PCSK2: variants seen among roughly 807,000 people sequenced by gnomAD.
PCSK2 encodes the protein neuroendocrine convertase 2.
In PCSK2, 14 loss-of-function variants were observed where a neutral mutation model predicts 69.7. The observed-to-expected ratio is 0.20, with a 90% confidence interval of 0.13 to 0.31. PCSK2 has a LOEUF of 0.31. Among genes scored for constraint, PCSK2 ranks in the 10% least tolerant of loss-of-function variants. PCSK2 has a pLI of 1.00. For missense variants in PCSK2, 544 were observed against 842.5 expected, an observed-to-expected ratio of 0.65 and a Z score of 4.39; for synonymous variants, 307 against 320.7, an observed-to-expected ratio of 0.96 and a Z score of 0.46.
intron 1 of PCSK2, among the ~76,000 whole-genome samples, chr20:17,252,444 T>A (rs1987018030): frequency 6.6e-6 from 1 of 152,156 alleles, no homozygotes; most frequent in Non-Finnish European, 1.5e-5. Context: ...ATTCTAACAA[T>A]AAAAAGAGTA....
chr20:17,278,752 G>T (rs1035008488), intron 2 of PCSK2, among the ~76,000 whole-genome samples: 23 of 151,652 alleles, frequency 1.5e-4, no homozygotes, highest in African/African-American at 2.4e-4. Flanking sequence ...AATAATAATG[G>T]CCCTGTAACC....
intron 2 of PCSK2, among the ~76,000 whole-genome samples, chr20:17,320,590 CT>C (rs1568601695): frequency 6.6e-6 from 1 of 152,204 alleles, no homozygotes. Flanking sequence ...GGGACTCAGG[CT>C]TGCTGAGCAC....
chr20:17,365,648 G>A (rs1304331839), intron 4 of PCSK2, among the ~76,000 whole-genome samples: 1 of 152,190 alleles, frequency 6.6e-6, no homozygotes, highest in Non-Finnish European at 1.5e-5. Flanking sequence ...CTGTGAACTT[G>A]TAAAATCAAA....
chr20:17,301,518 G>A lies in PCSK2; in HGVS notation c.282+41174G>A, dbSNP rs201591668. On this transcript the variant is annotated intron_variant, in intron 2 of 11. Transcript: ENST00000262545. ...GACTGATTCATCTACAGTCCAAAGA[G>A]CTTTGATATTTAAGTTGCCTATAAA... is the stretch of plus-strand genomic sequence containing the variant. 2.6e-5 allele frequency among the ~76,000 whole-genome samples: 4 copies of A among 152,292 alleles called. No individual in the cohort carries two copies. In the East Asian group the frequency reaches 7.7e-4, roughly 29 times the overall value.
intron 1 of PCSK2, among the ~76,000 whole-genome samples, chr20:17,258,260 A>G (rs912594030): frequency 6.6e-6 from 1 of 152,246 alleles, no homozygotes; most frequent in Non-Finnish European, 1.5e-5. Flanking sequence ...CTAAAACAGC[A>G]CAGAGTTTGC....
rs1295137125 is a variant in PCSK2, at chr20:17,303,528, AT to A, written c.282+43186del. On this transcript the variant is annotated intron_variant, in intron 2 of 11. Coordinates refer to ENST00000262545, the MANE Select transcript of PCSK2 (RefSeq NM_002594.5). ...ATATATTATATATAATATAATATAT[AT>A]TATATTATATATAATATGATATAAT... 6.0e-4 allele frequency among the ~76,000 whole-genome samples: 24 copies of A among 39,944 alleles called. 1 individual carries two copies. In the East Asian group the frequency reaches 0.014, roughly 23 times the overall value. The allele number at this position is 39,944 out of a possible 152,430, so 26.2% of individuals were successfully genotyped here.
At chr20:17,390,554 C>G (rs2031346163) in intron 5 of PCSK2, among the ~76,000 whole-genome samples, 1 of 152,132 alleles carries the variant, frequency 6.6e-6, no homozygotes, top group Non-Finnish European at 1.5e-5. Context: ...TGCCCACCTG[C>G]TCACCTCCCT....
intron 2 of PCSK2, among the ~76,000 whole-genome samples, chr20:17,267,861 G>A (rs752451108): frequency 2.6e-5 from 4 of 151,876 alleles, no homozygotes; most frequent in East Asian, 1.9e-4. Flanking sequence ...GCTCTGTATC[G>A]TCTTTACAAT....
rs375689991 is a variant in PCSK2, at chr20:17,349,660, G to GAA, written c.283-8658_283-8657dup. 3.2e-3 allele frequency among the ~76,000 whole-genome samples: 478 copies of GAA among 148,846 alleles called. 6 individuals carry two copies. Among genetic ancestry groups the GAA allele is most frequent in the African/African-American group, 0.011 (443 of 40,598 alleles). The stretch of plus-strand genomic sequence containing the variant: ...GAGCTAAAGTGTTTTAACCTACCAA[G>GAA]AAAAAAAAAATCCTCAGACTATAAT... On this transcript the variant is annotated intron_variant, in intron 2 of 11. Coordinates refer to ENST00000262545, the MANE Select transcript of PCSK2 (RefSeq NM_002594.5).
rs1465042940 is a variant in PCSK2 at position 17,333,965 on chromosome 20, A to G, written c.283-24362A>G. On this transcript the variant is annotated intron_variant, in intron 2 of 11. Transcript: ENST00000262545. ...TTCAAATCTAGATAGTTGTGTATTCATAGTATGTTCACAACATGTTCAATT... is the reference window on the plus strand; with the variant it reads ...TTCAAATCTAGATAGTTGTGTATTCGTAGTATGTTCACAACATGTTCAATT... Among the ~76,000 whole-genome samples, 13 of 136,798 alleles carry G rather than the reference A, an allele frequency of 9.5e-5. No homozygotes were observed. In the Admixed American group the frequency reaches 1.1e-3, roughly 11 times the overall value. The allele number at this position is 136,798 out of a possible 152,430, so 89.7% of individuals were successfully genotyped here.
At chr20:17,250,870 C>A (rs1000961551) in intron 1 of PCSK2, among the ~76,000 whole-genome samples, 12 of 152,032 alleles carry the variant, frequency 7.9e-5, no homozygotes, top group Non-Finnish European at 7.4e-5. Context: ...GAGGTCAAGG[C>A]GGGCAGATCA....
intron 1 of PCSK2, among the ~76,000 whole-genome samples, chr20:17,245,442 A>G (rs1042760281): frequency 3.9e-5 from 6 of 152,204 alleles, no homozygotes; most frequent in African/African-American, 9.6e-5. Context: ...AGATACTAGC[A>G]TGTAATTTTC....
At chr20:17,361,831 G>A (rs753644484) in intron 4 of PCSK2, among the ~76,000 whole-genome samples, 5 of 152,220 alleles carry the variant, frequency 3.3e-5, no homozygotes, top group Non-Finnish European at 5.9e-5. Context: ...AGCCCTGCAT[G>A]AGAGTGTGTG....
chr20:17,234,880 C>A (rs534535643), intron 1 of PCSK2, among the ~76,000 whole-genome samples: 1 of 152,066 alleles, frequency 6.6e-6, no homozygotes, highest in African/African-American at 2.4e-5. Flanking sequence ...TCAGATCCAA[C>A]GTTTCAAAAA....
intron 11 of PCSK2, among the ~76,000 whole-genome samples, chr20:17,466,698 A>G (rs2123403218): frequency 6.6e-6 from 1 of 152,362 alleles, no homozygotes; most frequent in South Asian, 2.1e-4. Context: ...TCAAATACAC[A>G]GAACTTAAGT....
intron 2 of PCSK2, among the ~76,000 whole-genome samples, chr20:17,303,463 A>AAT (rs1989180637): frequency 3.8e-5 from 2 of 52,600 alleles, no homozygotes; most frequent in East Asian, 3.2e-4. Context: ...TATTAAATAT[A>AAT]ATATATATTA....
chr20:17,433,812 T>TCTCTCCC (rs774361715), intron 7 of PCSK2, among the ~76,000 whole-genome samples: 1,431 of 104,102 alleles, frequency 0.014, 59 homozygotes, highest in Non-Finnish European at 0.021. Flanking sequence ...TCTCTCTCTC[T>TCTCTCCC]CCCCCCACTT....
At chr20:17,307,880 G>T (rs911663871) in intron 2 of PCSK2, among the ~76,000 whole-genome samples, 3 of 152,154 alleles carry the variant, frequency 2.0e-5, no homozygotes, top group Non-Finnish European at 4.4e-5. Context: ...GGTTTAATTG[G>T]CTCATGGTTC....
chr20:17,299,225 T>A (rs1316558654), intron 2 of PCSK2, among the ~76,000 whole-genome samples: 3 of 152,182 alleles, frequency 2.0e-5, no homozygotes, highest in African/African-American at 7.2e-5. Context: ...TATTTTGGTG[T>A]TTGAAAATAC....
Sources: gnomAD v4.1 joint callset for allele counts (sites outside exome capture counted in the v4.1 genomes callset) on GRCh38, gnomAD v4.1.1 for gene constraint, MANE v1.5 for transcripts, NCBI Gene and HGNC (gene_info 2026-07-23, HGNC 2026-07-21) for gene names.